FOXP1: variants seen among roughly 807,000 people sequenced by gnomAD.
FOXP1 encodes forkhead box P1.
FOXP1 carries 15 observed loss-of-function variants against 98.2 expected under a neutral mutation model. The ratio of observed to expected loss-of-function variants is 0.15; its 90% CI spans 0.10 to 0.24. The LOEUF is 0.24. Ranked by LOEUF, FOXP1 falls within the 10% of genes least tolerant of loss-of-function variation. FOXP1 has a pLI of 1.00. For synonymous variants in FOXP1, 371 were observed against 314.5 expected, an observed-to-expected ratio of 1.18 and a Z score of -1.90; for missense variants, 633 against 848.5, an observed-to-expected ratio of 0.75 and a Z score of 3.15.
At chr3:71,450,658 T>C (rs2086859897) in intron 3 of FOXP1, among the ~76,000 whole-genome samples, 1 of 152,230 alleles carries the variant, frequency 6.6e-6, no homozygotes, top group Admixed American at 6.5e-5. Flanking sequence ...AACTGAAGAA[T>C]GGCATAGGAC....
intron 2 of FOXP1, among the ~76,000 whole-genome samples, chr3:71,514,963 A>T (rs2042458694): frequency 6.6e-6 from 1 of 152,226 alleles, no homozygotes; most frequent in Non-Finnish European, 1.5e-5. Flanking sequence ...AATAAAAATT[A>T]ATTAGACTCA....
rs868657844 is a variant in FOXP1 at position 71,207,886 on chromosome 3, A to C, written c.-11-9494T>G. ...TCATGTGCACACACCAAACTAGATA[A>C]AGAGCCACATGCTTGCTTTACTTAA... is the stretch of plus-strand genomic sequence containing the variant. On this transcript the variant is annotated intron_variant, in intron 5 of 20. Transcript: ENST00000649528. Among the ~76,000 whole-genome samples, 5 of 152,354 alleles carry C rather than the reference A, an allele frequency of 3.3e-5. No individual in the cohort carries two copies. In the Middle Eastern group the frequency reaches 0.01, roughly 311 times the overall value.
At chr3:71,442,829 T>C (rs1309374262) in intron 3 of FOXP1, among the ~76,000 whole-genome samples, 1 of 152,190 alleles carries the variant, frequency 6.6e-6, no homozygotes, top group East Asian at 1.9e-4. Context: ...TGGGACTTAA[T>C]CTGAATCTCT....
intron 5 of FOXP1, among the ~76,000 whole-genome samples, chr3:71,234,169 A>T (rs963273384): frequency 6.6e-6 from 1 of 152,176 alleles, no homozygotes; most frequent in Non-Finnish European, 1.5e-5. Flanking sequence ...TAAAAAAAAA[A>T]AATAAGAAAA....
At chr3:71,081,043 C>A (rs2054356423) in intron 7 of FOXP1, among the ~76,000 whole-genome samples, 1 of 152,166 alleles carries the variant, frequency 6.6e-6, no homozygotes, top group Non-Finnish European at 1.5e-5. Flanking sequence ...CTGAAAGTGG[C>A]AGAAGGAGGC....
chr3:71,050,363 T>C (rs1403689359), intron 9 of FOXP1, among the ~76,000 whole-genome samples: 1 of 152,194 alleles, frequency 6.6e-6, no homozygotes, highest in Non-Finnish European at 1.5e-5. Context: ...AAGAGGTTAA[T>C]AAGAAGTGGC....
chr3:71,057,683 C>T (rs891143068), intron 7 of FOXP1, among the ~76,000 whole-genome samples: 2 of 152,012 alleles, frequency 1.3e-5, no homozygotes, highest in Non-Finnish European at 2.9e-5. Flanking sequence ...TTTAAAAAAA[C>T]GCACACAGTT....
In FOXP1 at chr3:71,237,231, G is replaced by GAAAAAAAAAAAAAA. The variant is rs757405755; in HGVS notation, c.-11-38853_-11-38840dup. On this transcript the variant is annotated intron_variant, in intron 5 of 20. Transcript: ENST00000649528. ...TGGGCGACAGAGCAAGACTCCATCT[G>GAAAAAAAAAAAAAA]AAAAAAAAAAAAAAAAAAAAAAAAA... Among the ~76,000 whole-genome samples, 10 of 28,286 alleles carry GAAAAAAAAAAAAAA rather than the reference G, an allele frequency of 3.5e-4. 2 individuals carry two copies. The highest frequency in any genetic ancestry group is 6.9e-4 in the Admixed American group (1 of 1,442). The allele number at this position is 28,286 out of a possible 152,430, so 18.6% of individuals were successfully genotyped here. A position where few individuals can be genotyped will look rare whatever the true frequency, so the allele number is the denominator to read the frequency against.
intron 6 of FOXP1, among the ~76,000 whole-genome samples, chr3:71,131,620 A>C (rs893779531): frequency 7.2e-5 from 11 of 152,142 alleles, no homozygotes; most frequent in Non-Finnish European, 5.9e-5. Context: ...CATAGAAGGA[A>C]ATTTTTTACT....
At chr3:71,135,758 C>G (rs2059791639) in intron 6 of FOXP1, among the ~76,000 whole-genome samples, 2 of 152,170 alleles carry the variant, frequency 1.3e-5, no homozygotes, top group Admixed American at 1.3e-4. Context: ...GCCAAGGGGA[C>G]TGTGGAAGTG....
chr3:71,527,479 G>C (rs139398009), intron 2 of FOXP1, among the ~76,000 whole-genome samples: 1 of 152,248 alleles, frequency 6.6e-6, no homozygotes, highest in East Asian at 1.9e-4. Context: ...ATCCAAGCTG[G>C]AGGTTTGATG....
intron 5 of FOXP1, among the ~76,000 whole-genome samples, chr3:71,227,788 T>A (rs1391013782): frequency 1.3e-5 from 2 of 151,262 alleles, no homozygotes; most frequent in Non-Finnish European, 2.9e-5. Context: ...AATCTTCACA[T>A]CCTGAAACGT....
intron 6 of FOXP1, among the ~76,000 whole-genome samples, chr3:71,156,562 T>C (rs924772126): frequency 6.6e-6 from 1 of 152,170 alleles, no homozygotes; most frequent in Non-Finnish European, 1.5e-5. Flanking sequence ...AGGCTAGCAT[T>C]TGCAAAGGCA....
intron 6 of FOXP1, among the ~76,000 whole-genome samples, chr3:71,190,638 C>CAAAAAAAAAAAAAAA (rs55747148): frequency 4.6e-5 from 2 of 43,494 alleles, no homozygotes; most frequent in Non-Finnish European, 8.4e-5. Flanking sequence ...ACCCCATCTC[C>CAAAAAAAAAAAAAAA]AAAAAAAAAA....
chr3:71,233,414 G>GTTTTTT (rs909255821), intron 5 of FOXP1, among the ~76,000 whole-genome samples: 1 of 150,778 alleles, frequency 6.6e-6, no homozygotes, highest in Non-Finnish European at 1.5e-5. Flanking sequence ...AGCTGCTATA[G>GTTTTTT]TTTTTTTTTG....
At chr3:71,524,735 G>A (rs1422871078) in intron 2 of FOXP1, among the ~76,000 whole-genome samples, 1 of 152,158 alleles carries the variant, frequency 6.6e-6, no homozygotes, top group Admixed American at 6.5e-5. Context: ...TATTAACAAT[G>A]CAACAGCTTC....
At chr3:71,493,893 C>G (rs1371545958) in intron 2 of FOXP1, among the ~76,000 whole-genome samples, 1 of 152,024 alleles carries the variant, frequency 6.6e-6, no homozygotes, top group African/African-American at 2.4e-5. Flanking sequence ...AAATATTACA[C>G]AGATAAATGT....
intron 5 of FOXP1, among the ~76,000 whole-genome samples, chr3:71,219,564 C>A (rs896730497): frequency 6.6e-6 from 1 of 151,908 alleles, no homozygotes; most frequent in Non-Finnish European, 1.5e-5. Flanking sequence ...TCAAGTATTT[C>A]CAATGAAATT....
chr3:71,564,944 G>A (rs1482218875), intron 2 of FOXP1, among the ~76,000 whole-genome samples: 6 of 152,044 alleles, frequency 3.9e-5, no homozygotes, highest in South Asian at 2.1e-4. Context: ...CTGAAATTCC[G>A]TCTCTATTAA....
Sources: allele counts gnomAD v4.1 joint callset (sites outside exome capture counted in the v4.1 genomes callset), GRCh38; gene constraint gnomAD v4.1.1; transcripts MANE v1.5; gene names NCBI Gene and HGNC (gene_info 2026-07-23, HGNC 2026-07-21).